ZNF668: variants seen among roughly 807,000 people sequenced by gnomAD.
ZNF668 encodes zinc finger protein 668.
ZNF668 carries 10 observed loss-of-function variants against 40.3 expected under a neutral mutation model. The ratio of observed to expected loss-of-function variants is 0.25; its 90% CI spans 0.15 to 0.42. The LOEUF is 0.42. Among genes scored for constraint, ZNF668 ranks in the 10% least tolerant of loss-of-function variants. The pLI is 1.00. For missense variants in ZNF668, 749 were observed against 904.6 expected, an observed-to-expected ratio of 0.83 and a Z score of 2.21; for synonymous variants, 428 against 384.6, an observed-to-expected ratio of 1.11 and a Z score of -1.32.
Position 31,063,904 on chromosome 16 carries a change from G to T in ZNF668, c.556C>A (p.His186Asn). Residue 186 changes from histidine to asparagine, a missense_variant, in exon 2 of 3, where the codon CAC becomes AAC. Physicochemically the swap from His to Asn is moderately conservative, Grantham distance 68. Coordinates refer to ENST00000300849, the MANE Select transcript of ZNF668 (RefSeq NM_024706.5). ...SFADPSVFRK[H>N]RRTHAGLRPY... Reference sequence around the variant, plus strand: ...CGCAGGCCAGCGTGAGTACGCCGGTGCTTGCGGAACACTGAAGGGTCAGCA... The same window carrying T: ...CGCAGGCCAGCGTGAGTACGCCGGTTCTTGCGGAACACTGAAGGGTCAGCA... 6.3e-7 allele frequency: 1 copy of T among 1,594,840 alleles called. No homozygotes were observed.
At chr16:31,069,485 T>C (rs184021517) in intron 1 of ZNF668, among the ~76,000 whole-genome samples, 16 of 152,272 alleles carry the variant, frequency 1.1e-4, no homozygotes, top group Admixed American at 7.9e-4. Context: ...TTTGGTGTTA[T>C]TTGGATCTCA....
rs770364347 is a variant in ZNF668 at position 31,061,976 on chromosome 16, G to A, written c.952C>T (p.Arg318Trp). 6 of 1,613,578 alleles carry A rather than the reference G, an allele frequency of 3.7e-6. No individual in the cohort carries two copies. Among genetic ancestry groups the A allele is most frequent in the African/African-American group, 1.3e-5 (1 of 74,928 alleles). Residue 318 changes from arginine (R) to tryptophan (W), a missense_variant, in exon 3 of 3, where the codon CGG (arginine) becomes TGG (tryptophan). Transcript: ENST00000300849. The surrounding 1 kb of genome is among the most constrained non-coding windows in gnomAD (Gnocchi z 7.7). ...YHCEKCGKDF[R>W]QPADLAMHRR... Reference sequence around the variant, plus strand: ...TGCATGGCCAGGTCCGCCGGCTGCCGGAAGTCCTTGCCGCACTTCTCGCAG... The same window carrying A: ...TGCATGGCCAGGTCCGCCGGCTGCCAGAAGTCCTTGCCGCACTTCTCGCAG...
At chr16:31,069,266 AATAC>A (rs1345723695) in intron 1 of ZNF668, 1 of 56,440 alleles carries the variant, frequency 1.8e-5, no homozygotes, top group Non-Finnish European at 3.5e-5. Context: ...CTCTACTAAA[AATAC>A]ACACACACAC....
chr16:31,067,447 G>A (rs1175569123), intron 1 of ZNF668, among the ~76,000 whole-genome samples: 2 of 152,066 alleles, frequency 1.3e-5, no homozygotes, highest in African/African-American at 4.8e-5. Flanking sequence ...AAACTGTCTG[G>A]CTTCAGATTT....
intron 1 of ZNF668, chr16:31,066,304 C>T: frequency 2.0e-6 from 2 of 985,462 alleles, no homozygotes; most frequent in Non-Finnish European, 2.4e-6. Context: ...CCACTTCCAC[C>T]AGGAGGATCC....
At chr16:31,063,466 GA>G (rs76458108) in intron 2 of ZNF668, among the ~76,000 whole-genome samples, 59,659 of 147,318 alleles carry the variant, frequency 0.4, 12,303 homozygotes, top group South Asian at 0.71. Flanking sequence ...CTGAGAAAAA[GA>G]AAAAAAAAAA....
At chr16:31,067,220 AAAATAAAT>A (rs982250609) in intron 1 of ZNF668, among the ~76,000 whole-genome samples, 1 of 152,160 alleles carries the variant, frequency 6.6e-6, no homozygotes, top group Non-Finnish European at 1.5e-5. Context: ...CCCCATCTCA[AAAATAAAT>A]AAATAAATAA....
intron 1 of ZNF668, among the ~76,000 whole-genome samples, chr16:31,071,207 C>G (rs918339670): frequency 1.3e-5 from 2 of 151,772 alleles, no homozygotes; most frequent in African/African-American, 4.8e-5. Flanking sequence ...GTCTTTGTTG[C>G]CCAGGCTGGA....
chr16:31,064,901 G>A, intron 1 of ZNF668: 1 of 1,404,640 alleles, frequency 7.1e-7, no homozygotes, highest in Non-Finnish European at 9.2e-7. Flanking sequence ...AGAAAAGACA[G>A]ACCTGGGACC....
chr16:31,063,555 C>T (rs1420985291), intron 2 of ZNF668, among the ~76,000 whole-genome samples: 2 of 152,196 alleles, frequency 1.3e-5, no homozygotes, highest in South Asian at 2.1e-4. Context: ...CTCCAAACCC[C>T]GCCCCCTTTC....
chr16:31,071,348 G>A (rs2057014839), intron 1 of ZNF668, among the ~76,000 whole-genome samples: 1 of 151,356 alleles, frequency 6.6e-6, no homozygotes, highest in Admixed American at 6.6e-5. Flanking sequence ...TGTATTTTTA[G>A]TAGAGACAGG....
chr16:31,064,636 C>A, intron 1 of ZNF668, 155 bp from the exon 2 acceptor site: 1 of 1,536,712 alleles, frequency 6.5e-7, no homozygotes, highest in Non-Finnish European at 8.7e-7. Flanking sequence ...TCGTTTCCTC[C>A]CTGATCTGCT....
intron 1 of ZNF668, chr16:31,065,980 C>A (rs2056979117): frequency 2.0e-6 from 2 of 978,432 alleles, no homozygotes; most frequent in Admixed American, 6.2e-5. Flanking sequence ...AGGGGAAATA[C>A]AGAGACTCAG....
rs756743903 is a variant in ZNF668, at chr16:31,064,289, CTTCACCTCG to C, written c.162_170del (p.Glu55_Lys57del). 9 of 1,613,814 alleles carry C rather than the reference CTTCACCTCG, an allele frequency of 5.6e-6. No individual in the cohort carries two copies. Among genetic ancestry groups the C allele is most frequent in the South Asian group, 5.5e-5 (5 of 91,090 alleles). Reference sequence around the variant, plus strand: ...CCTTAGCTTCTGTCTCTGGCTTTGGCTTCACCTCGGCCACCTCTTCAGAGCAGTCTGCCG... The same window carrying C: ...CCTTAGCTTCTGTCTCTGGCTTTGGCGCCACCTCTTCAGAGCAGTCTGCCG... On this transcript the variant is annotated inframe_deletion, in exon 2 of 3. Transcript: ENST00000300849.
In ZNF668 at chr16:31,064,731, C is replaced by A. The variant is rs531872289; in HGVS notation, c.-22-250G>T. ...TCACAAAAGATTCACCTACACGTCCCCCCCCGCCCCCAACGGGCTTTTCCA... is the reference window on the plus strand; with the variant it reads ...TCACAAAAGATTCACCTACACGTCCACCCCCGCCCCCAACGGGCTTTTCCA... On this transcript the variant is annotated intron_variant, in intron 1 of 2. Coordinates refer to ENST00000300849, the MANE Select transcript of ZNF668 (RefSeq NM_024706.5). The A allele has an allele frequency of 6.6e-6, 10 of 1,526,446 alleles. No homozygotes were observed. In the East Asian group the frequency reaches 2.4e-4, roughly 37 times the overall value. The allele number at this position is 1,526,446 out of a possible 1,614,324, so 94.6% of individuals were successfully genotyped here.
At position 31,061,846 on chromosome 16, in the gene ZNF668, T is replaced by G; in HGVS notation, c.1082A>C (p.Gln361Pro). 6.2e-7 allele frequency: 1 copy of G among 1,612,948 alleles called. No homozygotes were observed. ...GCACTCCTCACAGCGGAAGGGCCGC[T>G]GGCCAGAGTGCACCAGCGCGTGCCG... Reference protein sequence around the residue: ...LKRHALVHSGQRPFRCEECGR... With the variant: ...LKRHALVHSGPRPFRCEECGR... Residue 361 changes from glutamine to proline, a missense_variant, in exon 3 of 3, where the codon CAG becomes CCG. Gln to Pro is a moderately conservative substitution (Grantham distance 76). This residue lies in a region of ZNF668 where 129 missense variants were observed against 231.2 expected (regional missense o/e 0.56). Coordinates refer to ENST00000300849, the MANE Select transcript of ZNF668 (RefSeq NM_024706.5). The surrounding 1 kb of genome is among the most constrained non-coding windows in gnomAD (Gnocchi z 7.7).
rs375741382 is a variant in ZNF668 at position 31,063,955 on chromosome 16, C to T, written c.505G>A (p.Ala169Thr). 1 of 1,607,092 alleles carries T rather than the reference C, an allele frequency of 6.2e-7. No individual in the cohort carries two copies. Among genetic ancestry groups the T allele is most frequent in the Non-Finnish European group, 8.5e-7 (1 of 1,177,142 alleles). ...QRGHTGERPY[A>T]CADCGKSFAD... The stretch of plus-strand genomic sequence containing the variant: ...AAGCTCTTGCCGCAGTCGGCGCAGG[C>T]GTAAGGCCGCTCGCCTGTGTGGCCA... The change falls in exon 2 of 3, where the codon GCC (alanine) becomes ACC (threonine). Residue 169 changes from alanine to threonine, a missense_variant. This residue lies in a region of ZNF668 where 151 missense variants were observed against 178.6 expected (regional missense o/e 0.85). Coordinates refer to ENST00000300849, the MANE Select transcript of ZNF668 (RefSeq NM_024706.5).
intron 1 of ZNF668, among the ~76,000 whole-genome samples, chr16:31,071,644 AG>A (rs1464179459): frequency 1.3e-5 from 2 of 152,124 alleles, no homozygotes; most frequent in Non-Finnish European, 2.9e-5. Flanking sequence ...ATAGAGATGG[AG>A]GTCTCACTAC....
intron 2 of ZNF668, 81 bp downstream of exon 2, chr16:31,063,732 G>C (rs2056954794): frequency 7.2e-6 from 10 of 1,398,588 alleles, no homozygotes; most frequent in Non-Finnish European, 9.4e-6. Flanking sequence ...TTTACCCTGA[G>C]ACTCAAACCC....
Sources: allele counts gnomAD v4.1 joint callset (sites outside exome capture counted in the v4.1 genomes callset), GRCh38; gene constraint gnomAD v4.1.1; regional missense constraint gnomAD v4.1.1; non-coding constraint Gnocchi (gnomAD v3.1); transcripts MANE v1.5; gene names NCBI Gene and HGNC (gene_info 2026-07-23, HGNC 2026-07-21).